The following PPP1R17 variants were observed in gnomAD, a reference collection of about 807,000 sequenced individuals.
The protein encoded by PPP1R17 is protein phosphatase 1 regulatory subunit 17.
PPP1R17 carries 12 observed loss-of-function variants against 15.9 expected under a neutral mutation model. The observed-to-expected ratio is 0.75, with a 90% CI of 0.48 to 1.22. The LOEUF (loss-of-function observed/expected upper bound fraction) is 1.22. PPP1R17 is among the 50% of genes most tolerant of loss of function. The pLI, the probability that PPP1R17 is intolerant of heterozygous loss-of-function variation, is 0.00. For missense variants in PPP1R17, 211 were observed against 187.3 expected (o/e 1.13, Z -0.74); for synonymous variants, 63 against 64.5 (o/e 0.98, Z 0.11).
At chr7:31,698,014 T>G (rs1375701677) in intron 4 of PPP1R17, among the ~76,000 whole-genome samples, 1 of 152,168 alleles carries the variant, frequency 6.6e-6, no homozygotes, top group African/African-American at 2.4e-5. Flanking sequence ...AAAATTATGA[T>G]CAAGATCAAA....
At chr7:31,692,708 ATAT>A (rs1792409921) in intron 2 of PPP1R17, among the ~76,000 whole-genome samples, 185 bp downstream of exon 2, 1 of 152,232 alleles carries the variant, frequency 6.6e-6, no homozygotes, top group South Asian at 2.1e-4. Flanking sequence ...TGCCATGTAA[ATAT>A]TAGCTGAAGC....
chr7:31,704,087 A>T (rs1354563735), intron 4 of PPP1R17, among the ~76,000 whole-genome samples: 4 of 152,244 alleles, frequency 2.6e-5, no homozygotes, highest in Non-Finnish European at 4.4e-5. Flanking sequence ...ATGAGGCTGG[A>T]AGCATCAAAG....
In PPP1R17 at chr7:31,695,490, T is replaced by C. The variant is rs1326514904; in HGVS notation, c.104T>C (p.Ile35Thr). 4 of 1,611,238 alleles carry C rather than the reference T, an allele frequency of 2.5e-6. No homozygotes were observed. In the Middle Eastern group the frequency reaches 5.0e-4, roughly 200 times the overall value. Reference protein sequence around the residue: ...SHLDDLSDQFIKDCDLKKKPR... With the variant: ...SHLDDLSDQFTKDCDLKKKPR... ...TTAGATGATCTTTCAGACCAGTTCA[T>C]TAAGGACTGTGATCTCAAAAAGAAG... Residue 35 changes from isoleucine to threonine, a missense_variant, in exon 3 of 5, where the codon ATT becomes ACT. By Grantham distance (89) the Ile-to-Thr change is moderately conservative. Coordinates refer to ENST00000342032, the MANE Select transcript of PPP1R17 (RefSeq NM_006658.5).
chr7:31,703,563 T>G (rs1348280241), intron 4 of PPP1R17, among the ~76,000 whole-genome samples: 1 of 152,266 alleles, frequency 6.6e-6, no homozygotes, highest in Admixed American at 6.5e-5. Flanking sequence ...CTAGCTTTCA[T>G]TACCATATTA....
At chr7:31,692,768 G>A (rs1792412571) in intron 2 of PPP1R17, among the ~76,000 whole-genome samples, 1 of 152,042 alleles carries the variant, frequency 6.6e-6, no homozygotes, top group South Asian at 2.1e-4. Flanking sequence ...AGAGAGAGAG[G>A]AAGCATCGTC....
At chr7:31,687,952 A>T (rs557563097) in intron 1 of PPP1R17, among the ~76,000 whole-genome samples, 1 of 152,178 alleles carries the variant, frequency 6.6e-6, no homozygotes, top group African/African-American at 2.4e-5. Context: ...AATCAGTTCT[A>T]TTATGTTCCC....
chr7:31,694,805 G>C (rs1240561976), intron 2 of PPP1R17, among the ~76,000 whole-genome samples: 1 of 152,148 alleles, frequency 6.6e-6, no homozygotes, highest in Non-Finnish European at 1.5e-5. Context: ...ACTTCTGATA[G>C]ACTCGATGTA....
intron 2 of PPP1R17, among the ~76,000 whole-genome samples, chr7:31,694,318 T>A (rs577315736): frequency 6.6e-6 from 1 of 151,976 alleles, no homozygotes; most frequent in Admixed American, 6.6e-5. Flanking sequence ...TTTTGGGACA[T>A]CTGAAGTATA....
intron 2 of PPP1R17, among the ~76,000 whole-genome samples, chr7:31,693,914 T>C (rs1792461593): frequency 6.6e-6 from 1 of 152,212 alleles, no homozygotes. Flanking sequence ...TATCTGTAGA[T>C]CTAGCCAAAC....
Position 31,700,383 on chromosome 7 carries a change from T to C in PPP1R17, c.388+3266T>C, listed in dbSNP as rs77063168. 8.0e-4 allele frequency among the ~76,000 whole-genome samples: 122 copies of C among 152,302 alleles called. 1 individual carries two copies. In the East Asian group the frequency reaches 0.022, roughly 27 times the overall value. ...ACAAGGTCCTTACTCTCTTCAGTTA[T>C]ATGAAGGTTGAGAGAGGGGAGGAAG... On this transcript the variant is annotated intron_variant, in intron 4 of 4. Transcript: ENST00000342032.
At chr7:31,697,212 C>A in intron 4 of PPP1R17, 95 bp downstream of exon 4, 1 of 1,464,168 alleles carries the variant, frequency 6.8e-7, no homozygotes, top group Non-Finnish European at 9.2e-7. Flanking sequence ...CGTTGTCCTG[C>A]CCCAGCAAGC....
intron 3 of PPP1R17, among the ~76,000 whole-genome samples, chr7:31,696,303 G>A (rs772375712): frequency 1.3e-5 from 2 of 152,080 alleles, no homozygotes; most frequent in Non-Finnish European, 2.9e-5. Context: ...ATGAAACATA[G>A]ATCTTTCTGG....
At position 31,707,741 on chromosome 7, in the gene PPP1R17, C is replaced by T. The variant is rs77451384; in HGVS notation, c.*458C>T. 0.023 allele frequency: 3,607 copies of T among 158,022 alleles called. 155 individuals are homozygous for T. Among genetic ancestry groups the T allele is most frequent in the African/African-American group, 0.082 (3,408 of 41,606 alleles). 9.8% of individuals were successfully genotyped at this position (158,022 alleles called of 1,614,324 possible). On this transcript the variant is annotated 3_prime_UTR_variant, in exon 5 of 5. Coordinates refer to ENST00000342032, the MANE Select transcript of PPP1R17 (RefSeq NM_006658.5). ...TGAGAATGTTTGGACTCTAACTCAC[C>T]GATTGCTTTGCAGACAAAGGTCTTT...
intron 4 of PPP1R17, among the ~76,000 whole-genome samples, chr7:31,700,025 T>C (rs1178351586): frequency 6.6e-6 from 1 of 152,094 alleles, no homozygotes; most frequent in Non-Finnish European, 1.5e-5. Context: ...GGCCAATCAA[T>C]AACCCTACAG....
In PPP1R17 at chr7:31,692,465, G is replaced by T. The variant is rs1792397646; in HGVS notation, c.24G>T (p.Gln8His). 1 of 1,611,666 alleles carries T rather than the reference G, an allele frequency of 6.2e-7. No individual in the cohort carries two copies. Among genetic ancestry groups the T allele is most frequent in the East Asian group, 2.2e-5 (1 of 44,838 alleles). MMSTEQM[Q>H]PLELSEDRLD... ...TGATGATGTCCACTGAGCAAATGCA[G>T]CCACTGGAACTCTCAGAAGACAGAC... is the stretch of plus-strand genomic sequence containing the variant. Residue 8 changes from glutamine to histidine, a missense_variant, in exon 2 of 5, where the codon CAG (glutamine) becomes CAT (histidine). Transcript: ENST00000342032.
chr7:31,707,037 G>A lies in PPP1R17; in HGVS notation c.389-167G>A, dbSNP rs546284467. On this transcript the variant is annotated intron_variant, in intron 4 of 4. Coordinates refer to ENST00000342032, the MANE Select transcript of PPP1R17 (RefSeq NM_006658.5). ...TCATTGAGCACCTCTGGGAAGCCTA[G>A]ATAGAGCCACCCAGCTCCTTCTCTG... 9.2e-5 allele frequency among the ~76,000 whole-genome samples: 14 copies of A among 152,312 alleles called. No individual in the cohort carries two copies. The South Asian group carries it at 2.1e-3, about 23-fold the overall frequency.
chr7:31,694,749 C>T (rs1004542689), intron 2 of PPP1R17, among the ~76,000 whole-genome samples: 2 of 152,114 alleles, frequency 1.3e-5, no homozygotes, highest in Admixed American at 1.3e-4. Flanking sequence ...AGAGGAGAGA[C>T]TTGAATGGGC....
intron 1 of PPP1R17, among the ~76,000 whole-genome samples, chr7:31,689,335 C>G (rs1469579426): frequency 2.0e-5 from 3 of 152,144 alleles, no homozygotes; most frequent in African/African-American, 7.2e-5. Flanking sequence ...GAGGCCCTAG[C>G]TTTTTGGTTG....
chr7:31,700,576 A>G (rs1792802998), intron 4 of PPP1R17, among the ~76,000 whole-genome samples: 1 of 152,224 alleles, frequency 6.6e-6, no homozygotes, highest in Admixed American at 6.5e-5. Flanking sequence ...GGCTACACTA[A>G]ACAATAGTTT....
Sources: allele counts gnomAD v4.1 joint callset (sites outside exome capture counted in the v4.1 genomes callset), GRCh38; gene constraint gnomAD v4.1.1; transcripts MANE v1.5; gene names NCBI Gene and HGNC (gene_info 2026-07-23, HGNC 2026-07-21).